Variants in MYH7B observed in about 807,000 individuals in gnomAD.
The protein encoded by MYH7B is myosin heavy chain 7B.
In MYH7B, 205 loss-of-function variants were observed where a neutral mutation model predicts 234.5. That is an observed-to-expected ratio of 0.87 (90% confidence interval 0.78 to 0.98). The LOEUF is 0.98. Ranked by LOEUF, MYH7B falls within the 50% of genes least tolerant of loss-of-function variation. The pLI is 0.00. For missense variants in MYH7B, 2,652 were observed against 2,633.4 expected, an observed-to-expected ratio of 1.01 and a Z score of -0.15; for synonymous variants, 1,193 against 1,105.0, an observed-to-expected ratio of 1.08 and a Z score of -1.58.
chr20:34,983,288 CTTTTCTTTTCTT>C (rs1390957190), intron 10 of MYH7B, among the ~76,000 whole-genome samples: 19 of 64,082 alleles, frequency 3.0e-4, no homozygotes, highest in South Asian at 8.6e-4. Context: ...TCTTTCTTTT[CTTTTCTTTTCTT>C]TTTTTTTTTT....
chr20:34,977,738 G>GGGGGGGGGGGGGGC, intron 4 of MYH7B, 58 bp downstream of exon 4: 1 of 317,152 alleles, frequency 3.2e-6, no homozygotes, highest in Non-Finnish European at 5.9e-6. Context: ...GGGCGGGTGG[G>GGGGGGGGGGGGGGC]TGAGGGTGCC....
chr20:34,977,955 T>G (rs1363132814), exon 5 of MYH7B: 3 of 1,613,780 alleles, frequency 1.9e-6, no homozygotes, highest in Non-Finnish European at 2.5e-6. Flanking sequence ...TTGGGCCGCC[T>G]TGAACCTCCA....
chr20:34,957,526 G>A (rs867694319), intron 1 of MYH7B, among the ~76,000 whole-genome samples: 182 of 92,268 alleles, frequency 2.0e-3, no homozygotes, highest in African/African-American at 7.1e-3. Context: ...TTTCGTTGTT[G>A]TTGCCCAGGC....
intron 9 of MYH7B, chr20:34,981,287 GGA>G: frequency 4.0e-6 from 2 of 497,082 alleles, no homozygotes; most frequent in South Asian, 2.8e-5. Flanking sequence ...ACCCACAAAC[GGA>G]GTGACCACCA....
Position 35,001,497 on chromosome 20 carries a change from AAGAG to A in MYH7B, c.5648_5651del (p.Lys1883ThrfsTer77). ...GGTGGACAAGCTGCAGAGCAAGGTC[AAGAG>A]CTACAAGCGCCAGTTTGAGGAGGCG... On this transcript the variant is annotated frameshift_variant, in exon 43 of 45. Coordinates refer to ENST00000262873, the Ensembl canonical transcript of MYH7B. LOFTEE classifies it high-confidence loss of function. 1 of 1,610,118 alleles carries A rather than the reference AAGAG, an allele frequency of 6.2e-7. No individual in the cohort carries two copies. The highest frequency in any genetic ancestry group is 8.5e-7 in the Non-Finnish European group (1 of 1,178,292).
Position 34,998,715 on chromosome 20 carries a change from G to T in MYH7B, c.3994-4G>T, listed in dbSNP as rs763938483. ...TAACGCTGAGGTCACTGGTGTCCCTGCAGGCCAAGAGTGCCCTGGCCCACG... is the reference window on the plus strand; with the variant it reads ...TAACGCTGAGGTCACTGGTGTCCCTTCAGGCCAAGAGTGCCCTGGCCCACG... On this transcript the variant is annotated splice_polypyrimidine_tract_variant and splice_region_variant and intron_variant, in intron 34 of 44. Coordinates refer to ENST00000262873, the Ensembl canonical transcript of MYH7B. 1 of 1,611,206 alleles carries T rather than the reference G, an allele frequency of 6.2e-7. No homozygotes were observed. Among genetic ancestry groups the T allele is most frequent in the Admixed American group, 1.7e-5 (1 of 59,922 alleles).
intron 16 of MYH7B, 114 bp downstream of exon 16, chr20:34,987,401 T>G: frequency 6.8e-7 from 1 of 1,476,824 alleles, no homozygotes; most frequent in Admixed American, 1.8e-5. Context: ...TGGCCCTGCC[T>G]CCTCAGCTCC....
Position 34,995,359 on chromosome 20 carries a change from C to T in MYH7B, c.2724C>T (p.Ala908=), listed in dbSNP as rs778647018. 87 of 1,613,252 alleles carry T rather than the reference C, an allele frequency of 5.4e-5. No individual in the cohort carries two copies. The highest frequency in any genetic ancestry group is 3.4e-4 in the Middle Eastern group (2 of 5,814). The stretch of plus-strand genomic sequence containing the variant: ...AGGAGCAGGACAACCTGGCAGATGC[C>T]GAGGAGCGCTGCCACTTGCTGATCA... The change falls in exon 28 of 45, where the codon GCC becomes GCT. Residue 908 remains alanine, a synonymous_variant. Transcript: ENST00000262873.
intron 34 of MYH7B, 41 bp from the exon 35 acceptor site, chr20:34,998,676 CCA>C: frequency 6.2e-7 from 1 of 1,612,210 alleles, no homozygotes; most frequent in Non-Finnish European, 8.5e-7. Context: ...GGCACCAGAG[CCA>C]CTGGGCTGCA....
intron 31 of MYH7B, 22 bp downstream of exon 31, chr20:34,997,195 G>T: frequency 1.3e-6 from 2 of 1,551,132 alleles, no homozygotes; most frequent in Non-Finnish European, 1.7e-6. Flanking sequence ...TCGGGTGGGT[G>T]AGGCCTGGGG....
At chr20:34,966,806 G>C (rs993614991) in intron 2 of MYH7B, among the ~76,000 whole-genome samples, 1 of 152,160 alleles carries the variant, frequency 6.6e-6, no homozygotes, top group Non-Finnish European at 1.5e-5. Context: ...CACGCCTATA[G>C]TCCCAGCTAC....
chr20:34,980,409 C>A lies in MYH7B; in HGVS notation c.343-169C>A. On this transcript the variant is annotated intron_variant, in intron 7 of 44. Coordinates refer to ENST00000262873, the Ensembl canonical transcript of MYH7B. The stretch of plus-strand genomic sequence containing the variant: ...ACTAAAAATACAAAAATTAGCCGGT[C>A]GTGGTGGCACGCGCTTGTAGTCCTA... 6.3e-6 allele frequency: 4 copies of A among 630,082 alleles called. No homozygotes were observed. The South Asian group carries it at 8.1e-5, about 13-fold the overall frequency. The allele number at this position is 630,082 out of a possible 1,614,324, so 39.0% of individuals were successfully genotyped here. A position where few individuals can be genotyped will look rare whatever the true frequency, so the allele number is the denominator to read the frequency against.
chr20:34,972,701 C>G (rs529399092), intron 2 of MYH7B, among the ~76,000 whole-genome samples: 34 of 152,156 alleles, frequency 2.2e-4, no homozygotes, highest in Admixed American at 4.6e-4. Flanking sequence ...ATGATCTCAG[C>G]TCACTGCAGT....
intron 7 of MYH7B, 168 bp downstream of exon 7, chr20:34,979,972 A>G (rs1600421911): frequency 1.9e-4 from 40 of 207,918 alleles, no homozygotes; most frequent in South Asian, 8.5e-4. Context: ...GTGAGCGATG[A>G]GGCGGGGCTC....
Position 34,999,559 on chromosome 20 carries a change from T to C in MYH7B, c.4541-12T>C, listed in dbSNP as rs773571720. The stretch of plus-strand genomic sequence containing the variant: ...CCATGGGGGTGGCCTCTCAGCACCC[T>C]GTCCACTGCAGAGGAGATCAGCGAC... On this transcript the variant is annotated splice_polypyrimidine_tract_variant and intron_variant, in intron 36 of 44. Transcript: ENST00000262873. 5.0e-6 allele frequency: 8 copies of C among 1,591,388 alleles called. No homozygotes were observed. In the African/African-American group the frequency reaches 9.4e-5, roughly 19 times the overall value.
chr20:34,990,169 T>G, intron 21 of MYH7B, 23 bp downstream of exon 21: 1 of 1,614,088 alleles, frequency 6.2e-7, no homozygotes. Context: ...GGACAAGATC[T>G]CCACTCTGAC....
At chr20:34,969,463 A>G (rs2147156104) in intron 2 of MYH7B, among the ~76,000 whole-genome samples, 1 of 152,162 alleles carries the variant, frequency 6.6e-6, no homozygotes, top group Middle Eastern at 3.4e-3. Context: ...ATCCATAGAT[A>G]AGCACACAGA....
intron 2 of MYH7B, among the ~76,000 whole-genome samples, chr20:34,970,965 C>CA (rs1284523897): frequency 6.6e-6 from 1 of 152,180 alleles, no homozygotes; most frequent in Non-Finnish European, 1.5e-5. Context: ...TGCGGCATGT[C>CA]AGAGACCTGG....
chr20:34,998,885 T>C (rs752175963), exon 35 of MYH7B: 3 of 1,613,020 alleles, frequency 1.9e-6, no homozygotes, highest in Admixed American at 1.7e-5. Flanking sequence ...GCAGATGCCA[T>C]CCAGAGGACC....
Sources: allele counts gnomAD v4.1 joint callset (sites outside exome capture counted in the v4.1 genomes callset), GRCh38; gene constraint gnomAD v4.1.1; transcripts MANE v1.5; gene names NCBI Gene and HGNC (gene_info 2026-07-23, HGNC 2026-07-21).